DCD: variants seen among roughly 807,000 people sequenced by gnomAD.
DCD encodes diffusible survival/evasion peptide.
DCD carries 17 observed loss-of-function variants against 14.5 expected under a neutral mutation model. That is an observed-to-expected ratio of 1.18 (90% CI 0.81 to 1.76). DCD has a LOEUF of 1.76. DCD is among the 40% of genes most tolerant of loss of function. The pLI, the probability that DCD is intolerant of heterozygous loss-of-function variation, is 0.00. For synonymous variants in DCD, 64 were observed against 54.0 expected, an observed-to-expected ratio of 1.19 and a Z score of -0.82; for missense variants, 139 against 133.4, an observed-to-expected ratio of 1.04 and a Z score of -0.21.
In DCD at chr12:54,648,232, A is replaced by G; in HGVS notation, c.58+14T>C. On this transcript the variant is annotated intron_variant, in intron 1 of 4. Coordinates refer to ENST00000293371, the MANE Select transcript of DCD (RefSeq NM_053283.4). The stretch of plus-strand genomic sequence containing the variant: ...GGACTATATGGTTGGGTGTCGGGGA[A>G]GAGCCATACTCACAGGCACAGACCA... The G allele has an allele frequency of 2.5e-6, 4 of 1,613,406 alleles. No individual in the cohort carries two copies. The highest frequency in any genetic ancestry group is 3.4e-6 in the Non-Finnish European group (4 of 1,179,768).
intron 1 of DCD, 117 bp downstream of exon 1, chr12:54,648,129 G>T: frequency 1.8e-6 from 2 of 1,140,914 alleles, no homozygotes; most frequent in Non-Finnish European, 1.3e-6. Context: ...GGCAGGAGTG[G>T]GCTACAGAGA....
At chr12:54,647,245 C>G in intron 1 of DCD, 86 bp from the exon 2 acceptor site, 1 of 1,338,054 alleles carries the variant, frequency 7.5e-7, no homozygotes, top group Non-Finnish European at 1.0e-6. Context: ...ATTCCCAGGC[C>G]TCTAATCTCA....
At position 54,648,266 on chromosome 12, in the gene DCD, G is replaced by A; in HGVS notation, c.38C>T (p.Ala13Val). ...FMTLLFLTAL[A>V]GALVCAYDPE... ...CTCACAGGCACAGACCAGGGCTCCT[G>A]CCAGAGCTGTCAGGAAGAGGAGAGT... The change falls in exon 1 of 5, where the codon GCA (alanine) becomes GTA (valine). Residue 13 changes from alanine (A) to valine (V), a missense_variant. Physicochemically the swap from Ala to Val is moderately conservative, Grantham distance 64. Transcript: ENST00000293371. 1 of 1,613,964 alleles carries A rather than the reference G, an allele frequency of 6.2e-7. No homozygotes were observed. Among genetic ancestry groups the A allele is most frequent in the Non-Finnish European group, 8.5e-7 (1 of 1,179,986 alleles).
chr12:54,646,833 C>T (rs1321151285), intron 2 of DCD, among the ~76,000 whole-genome samples: 2 of 152,046 alleles, frequency 1.3e-5, no homozygotes, highest in Admixed American at 6.5e-5. Context: ...AACCTCTGAA[C>T]CCATCTAATG....
At chr12:54,644,978 A>T in intron 4 of DCD, 195 bp downstream of exon 4, 2 of 1,543,156 alleles carry the variant, frequency 1.3e-6, no homozygotes, top group Non-Finnish European at 1.7e-6. Flanking sequence ...AGAGCAATAA[A>T]AAAAAAAGCA....
In DCD at chr12:54,647,128, C is replaced by T. The variant is rs144133059; in HGVS notation, c.90G>A (p.Ser30=). The T allele has an allele frequency of 3.9e-5, 61 of 1,560,288 alleles. No individual in the cohort carries two copies. In the African/African-American group the frequency reaches 5.6e-4, roughly 14 times the overall value. The change falls in exon 2 of 5, where the codon TCG becomes TCA. Residue 30 remains serine, a synonymous_variant. Coordinates refer to ENST00000293371, the MANE Select transcript of DCD (RefSeq NM_053283.4). The part of the protein sequence containing the change: ...YDPEAASAPG[S]GNPCHEASAA... ...GGAAGAGAAAGGACTCACGGTTCCCCGATCCTGGGGCAGAGGCGGCCTCTG... is the reference window on the plus strand; with the variant it reads ...GGAAGAGAAAGGACTCACGGTTCCCTGATCCTGGGGCAGAGGCGGCCTCTG...
At chr12:54,645,057 C>T in intron 4 of DCD, 116 bp downstream of exon 4, 2 of 1,479,222 alleles carry the variant, frequency 1.4e-6, no homozygotes, top group Non-Finnish European at 1.9e-6. Context: ...GAATTGGAGA[C>T]ATTTGAAAGC....
At chr12:54,645,991 A>G (rs768397801) in intron 2 of DCD, 80 of 484,516 alleles carry the variant, frequency 1.7e-4, no homozygotes, top group Admixed American at 2.8e-4. Flanking sequence ...CACCTTAAAG[A>G]GACTCCCCCT....
In DCD at chr12:54,647,181, C is replaced by A. The variant is rs368045639; in HGVS notation, c.59-22G>T. 8.3e-6 allele frequency: 13 copies of A among 1,558,066 alleles called. No homozygotes were observed. The Admixed American group carries it at 2.1e-4, about 25-fold the overall frequency. On this transcript the variant is annotated intron_variant, in intron 1 of 4. Transcript: ENST00000293371. The stretch of plus-strand genomic sequence containing the variant: ...TCATCTGCAAAGGAGGGAACAGTGA[C>A]CATGTCAAGTAGGGCACAGTTGCAT...
At chr12:54,647,666 C>T (rs562921276) in intron 1 of DCD, among the ~76,000 whole-genome samples, 7 of 152,178 alleles carry the variant, frequency 4.6e-5, no homozygotes, top group East Asian at 3.9e-4. Context: ...TGTAATTGCT[C>T]GGGGAAGCTG....
At chr12:54,644,923 C>G in intron 4 of DCD, 167 bp from the exon 5 acceptor site, 1 of 1,549,498 alleles carries the variant, frequency 6.5e-7, no homozygotes, top group South Asian at 1.2e-5. Flanking sequence ...CACAGGAGCC[C>G]CAAAGACCAA....
At chr12:54,647,225 G>T in intron 1 of DCD, 66 bp from the exon 2 acceptor site, 2 of 1,491,482 alleles carry the variant, frequency 1.3e-6, no homozygotes, top group Non-Finnish European at 1.8e-6. Context: ...TCCAGCCAGG[G>T]CTGCCTAGAA....
intron 3 of DCD, 83 bp downstream of exon 3, chr12:54,645,523 G>A: frequency 1.6e-6 from 2 of 1,254,592 alleles, no homozygotes; most frequent in Non-Finnish European, 2.3e-6. Flanking sequence ...CTGTGCTTGT[G>A]CCTGTGAGGG....
chr12:54,644,797 A>C, intron 4 of DCD, 41 bp from the exon 5 acceptor site: 1 of 1,584,774 alleles, frequency 6.3e-7, no homozygotes, highest in Non-Finnish European at 8.6e-7. Flanking sequence ...AGGGGTAGGA[A>C]GAAAAAAGGA....
Position 54,647,145 on chromosome 12 carries a change from C to A in DCD, c.73G>T (p.Ala25Ser), listed in dbSNP as rs761933396. Residue 25 changes from alanine to serine, a missense_variant, in exon 2 of 5, where the codon GCC becomes TCC. Transcript: ENST00000293371. Reference protein sequence around the residue: ...ALVCAYDPEAASAPGSGNPCH... With the variant: ...ALVCAYDPEASSAPGSGNPCH... Reference sequence around the variant, plus strand: ...CGGTTCCCCGATCCTGGGGCAGAGGCGGCCTCTGGATCATCTGCAAAGGAG... The same window carrying A: ...CGGTTCCCCGATCCTGGGGCAGAGGAGGCCTCTGGATCATCTGCAAAGGAG... The A allele has an allele frequency of 3.8e-6, 6 of 1,562,916 alleles. No individual in the cohort carries two copies. The Admixed American group carries it at 7.6e-5, about 20-fold the overall frequency.
rs368995848 is a variant in DCD at position 54,648,227 on chromosome 12, G to A, written c.58+19C>T. On this transcript the variant is annotated intron_variant, in intron 1 of 4. Transcript: ENST00000293371. ...TCAGGGGACTATATGGTTGGGTGTC[G>A]GGGAAGAGCCATACTCACAGGCACA... The A allele has an allele frequency of 6.6e-5, 107 of 1,612,970 alleles. 1 individual carries two copies. In the South Asian group the frequency reaches 8.6e-4, roughly 13 times the overall value.
intron 1 of DCD, 80 bp downstream of exon 1, chr12:54,648,166 A>G: frequency 1.3e-6 from 2 of 1,523,720 alleles, no homozygotes; most frequent in Non-Finnish European, 1.8e-6. Context: ...GCCTCTGGCG[A>G]GGAGGGGAAG....
chr12:54,645,355 C>A (rs985844687), intron 3 of DCD, 93 bp from the exon 4 acceptor site: 7 of 1,289,024 alleles, frequency 5.4e-6, no homozygotes, highest in Non-Finnish European at 7.8e-6. Context: ...CCATGGGCAC[C>A]CCTAAGGTGA....
At chr12:54,645,121 AG>A in intron 4 of DCD, 51 bp downstream of exon 4, 1 of 1,584,122 alleles carries the variant, frequency 6.3e-7, no homozygotes, top group Non-Finnish European at 8.7e-7. Flanking sequence ...ATCTCATGCA[AG>A]GGGTGGAGAC....
Sources: gnomAD v4.1 joint callset for allele counts (sites outside exome capture counted in the v4.1 genomes callset) on GRCh38, gnomAD v4.1.1 for gene constraint, MANE v1.5 for transcripts, NCBI Gene and HGNC (gene_info 2026-07-23, HGNC 2026-07-21) for gene names.